Variants in NPIPB11 observed in about 807,000 individuals in gnomAD.
NPIPB11 encodes the protein nuclear pore complex-interacting protein family member B11.
In NPIPB11, 17 loss-of-function variants were observed where a neutral mutation model predicts 32.8. That is an observed-to-expected ratio of 0.52 (90% CI 0.35 to 0.78). The LOEUF (loss-of-function observed/expected upper bound fraction) is 0.78, where lower values mean the gene tolerates loss of function less well. Among genes scored for constraint, NPIPB11 ranks in the 30% least tolerant of loss-of-function variants. The pLI, the probability that NPIPB11 is intolerant of heterozygous loss-of-function variation, is 0.01. For synonymous variants in NPIPB11, 209 were observed against 398.4 expected, an observed-to-expected ratio of 0.52 and a Z score of 5.66; for missense variants, 537 against 1,000.4, an observed-to-expected ratio of 0.54 and a Z score of 6.25.
At chr16:29,393,482 C>G (rs1324872881) in intron 3 of NPIPB11, among the ~76,000 whole-genome samples, 1 of 152,092 alleles carries the variant, frequency 6.6e-6, no homozygotes, top group Non-Finnish European at 1.5e-5. Flanking sequence ...GCAGTTCTAG[C>G]AGTCTCATTT....
rs199823433 is a variant in NPIPB11 at position 29,383,370 on chromosome 16, C to T, written c.1562G>A (p.Arg521His). Residue 521 changes from arginine to histidine, a missense_variant, in exon 8 of 8, where the codon CGT becomes CAT. Transcript: ENST00000524087. ...TGAGGGTGGAAGGGGAGTGAGCTGACGCTCAGAAGGTGTCTTGAGATTATC... is the reference window on the plus strand; with the variant it reads ...TGAGGGTGGAAGGGGAGTGAGCTGATGCTCAGAAGGTGTCTTGAGATTATC... The T allele has an allele frequency of 4.4e-4, 241 of 552,874 alleles. 10 individuals are homozygous for T. The highest frequency in any genetic ancestry group is 9.7e-4 in the South Asian group (55 of 56,670). The allele number at this position is 552,874 out of a possible 1,614,324, so 34.2% of individuals were successfully genotyped here.
At chr16:29,400,370 G>C (rs1029265438) in intron 2 of NPIPB11, among the ~76,000 whole-genome samples, 1 of 151,904 alleles carries the variant, frequency 6.6e-6, no homozygotes, top group African/African-American at 2.4e-5. Flanking sequence ...GGCATGGCCA[G>C]GCACCTTAGA....
chr16:29,383,745 TGA>T lies in NPIPB11; in HGVS notation c.1185_1186del (p.Gln396AlafsTer14). The T allele has an allele frequency of 2.1e-6, 1 of 479,736 alleles. No homozygotes were observed. The highest frequency in any genetic ancestry group is 3.2e-6 in the Non-Finnish European group (1 of 309,526). 29.7% of individuals were successfully genotyped at this position (479,736 alleles called of 1,614,324 possible). On this transcript the variant is annotated frameshift_variant, in exon 8 of 8. Coordinates refer to ENST00000524087, the Ensembl canonical transcript of NPIPB11. LOFTEE classifies it low-confidence loss of function (END_TRUNC). ...AGCTGAGGGTGGAAGGGGAGTGAGC[TGA>T]CGCTCAGAAGGTGTCTTGAGATTAT... is the stretch of plus-strand genomic sequence containing the variant.
At position 29,390,415 on chromosome 16, in the gene NPIPB11, G is replaced by A. The variant is rs1281531397; in HGVS notation, c.250-67C>T. On this transcript the variant is annotated intron_variant, in intron 3 of 7. Transcript: ENST00000524087. ...CTCATGCGTATAATCCCAGTACTTCGGGAAGCTGAGGCAGGTGGATCACGG... is the reference window on the plus strand; with the variant it reads ...CTCATGCGTATAATCCCAGTACTTCAGGAAGCTGAGGCAGGTGGATCACGG... 7.4e-5 allele frequency: 118 copies of A among 1,594,718 alleles called. 1 individual carries two copies. Among genetic ancestry groups the A allele is most frequent in the East Asian group, 3.1e-4 (14 of 44,864 alleles).
At chr16:29,389,548 C>G (rs946202600) in intron 5 of NPIPB11, among the ~76,000 whole-genome samples, 4 of 148,256 alleles carry the variant, frequency 2.7e-5, no homozygotes. Context: ...ATGGTGGGCA[C>G]CTGTAATCCC....
At chr16:29,391,695 A>G (rs1457958533) in intron 3 of NPIPB11, among the ~76,000 whole-genome samples, 9 of 152,172 alleles carry the variant, frequency 5.9e-5, no homozygotes, top group Non-Finnish European at 1.0e-4. Context: ...TGTCGGTCAG[A>G]TACCTATGAA....
At chr16:29,401,874 T>G (rs904398863) in intron 2 of NPIPB11, among the ~76,000 whole-genome samples, 11 of 151,812 alleles carry the variant, frequency 7.2e-5, no homozygotes, top group African/African-American at 2.4e-4. Flanking sequence ...ATGTGCAGCA[T>G]GGGCAAGAAA....
intron 3 of NPIPB11, among the ~76,000 whole-genome samples, chr16:29,392,331 G>A (rs1276846322): frequency 6.6e-6 from 1 of 151,802 alleles, no homozygotes; most frequent in Non-Finnish European, 1.5e-5. Flanking sequence ...TAGATGACAA[G>A]GACAAAGATG....
chr16:29,397,705 G>A (rs1340477977), intron 2 of NPIPB11: 1 of 657,142 alleles, frequency 1.5e-6, no homozygotes, highest in Non-Finnish European at 2.5e-6. Context: ...CTTAGGGCAG[G>A]GGGGAGGGAA....
At chr16:29,398,860 C>T (rs1273658607) in intron 2 of NPIPB11, among the ~76,000 whole-genome samples, 1 of 152,096 alleles carries the variant, frequency 6.6e-6, no homozygotes, top group Non-Finnish European at 1.5e-5. Flanking sequence ...CCCTAACCCA[C>T]CTAGACATTT....
intron 2 of NPIPB11, among the ~76,000 whole-genome samples, chr16:29,397,137 C>T: frequency 6.8e-6 from 1 of 148,046 alleles, no homozygotes; most frequent in Non-Finnish European, 1.5e-5. Flanking sequence ...TGCCACTGCA[C>T]TCCAGCCTGG....
rs1964006767 is a variant in NPIPB11, at chr16:29,402,154, G to C, written c.120+1529C>G. Among the ~76,000 whole-genome samples, 4 of 146,670 alleles carry C rather than the reference G, an allele frequency of 2.7e-5. No individual in the cohort carries two copies. The South Asian group carries it at 9.2e-4, about 34-fold the overall frequency. On this transcript the variant is annotated intron_variant, in intron 2 of 7. Transcript: ENST00000524087. ...TGGCTATACCATCTCAGGTTGCAGA[G>C]AGAATTAAATGAAATATAAGTGCAT...
intron 2 of NPIPB11, among the ~76,000 whole-genome samples, chr16:29,397,958 C>T (rs1032543103): frequency 3.2e-5 from 3 of 93,900 alleles, no homozygotes; most frequent in African/African-American, 1.6e-4. Flanking sequence ...ACAGGACACG[C>T]GGGGCAAGGG....
chr16:29,401,464 C>T (rs1963989633), intron 2 of NPIPB11, among the ~76,000 whole-genome samples: 1 of 152,052 alleles, frequency 6.6e-6, no homozygotes, highest in African/African-American at 2.4e-5. Flanking sequence ...TGATTTTGTG[C>T]AGCTCTGGGA....
At chr16:29,397,308 G>A (rs1433035882) in intron 2 of NPIPB11, among the ~76,000 whole-genome samples, 3 of 151,864 alleles carry the variant, frequency 2.0e-5, no homozygotes, top group East Asian at 1.9e-4. Context: ...CTGGGCCCAA[G>A]CGATCCTCCC....
At chr16:29,393,225 G>A (rs2142128500) in intron 3 of NPIPB11, among the ~76,000 whole-genome samples, 1 of 151,224 alleles carries the variant, frequency 6.6e-6, no homozygotes, top group African/African-American at 2.5e-5. Context: ...TCTCTTGGAG[G>A]GCAGTTCTAA....
At chr16:29,391,554 C>T (rs1375324458) in intron 3 of NPIPB11, among the ~76,000 whole-genome samples, 1 of 149,896 alleles carries the variant, frequency 6.7e-6, no homozygotes, top group Non-Finnish European at 1.5e-5. Flanking sequence ...TTGAACTTAA[C>T]GCAAAACATT....
At chr16:29,383,264 A>G (rs745740486) in exon 8 of NPIPB11, 5 of 1,561,852 alleles carry the variant, frequency 3.2e-6, no homozygotes, top group Admixed American at 1.7e-5. Context: ...GTGTCTTGAG[A>G]TTATCATCCG....
upstream of NPIPB11, among the ~76,000 whole-genome samples, chr16:29,406,543 G>A (rs1964117778): frequency 6.6e-6 from 1 of 152,142 alleles, no homozygotes; most frequent in Non-Finnish European, 1.5e-5. Context: ...GTGAAACCCT[G>A]TCTCCACTAA....
Sources: gnomAD v4.1 joint callset for allele counts (sites outside exome capture counted in the v4.1 genomes callset) on GRCh38, gnomAD v4.1.1 for gene constraint, MANE v1.5 for transcripts, NCBI Gene and HGNC (gene_info 2026-07-23, HGNC 2026-07-21) for gene names.